The following RAB6A variants were observed in gnomAD, a reference collection of about 807,000 sequenced individuals.
RAB6A encodes the protein RAB6A, member RAS oncogene family.
In RAB6A, 8 loss-of-function variants were observed where a neutral mutation model predicts 32.3. That is an observed-to-expected ratio of 0.25 (90% CI 0.15 to 0.45). The LOEUF is 0.45. Ranked by LOEUF, RAB6A falls within the 20% of genes least tolerant of loss-of-function variation. The probability of loss-of-function intolerance (pLI) is 1.00; values close to 1 mark genes in which losing one functional copy is unlikely to be tolerated. For synonymous variants in RAB6A, 73 were observed against 82.1 expected (o/e 0.89, Z 0.60); for missense variants, 104 against 249.4 (o/e 0.42, Z 3.93).
chr11:73,760,968 G>C lies in RAB6A; in HGVS notation c.-333C>G, dbSNP rs557340468. ...ACTCGGCTCCCAGACCTGGGGAAGA[G>C]AAGCTGAGGGTGGCGGAGCCGGAAC... On this transcript the variant is annotated 5_prime_UTR_variant, in exon 1 of 8. Transcript: ENST00000336083. 1 of 275,856 alleles carries C rather than the reference G, an allele frequency of 3.6e-6. No homozygotes were observed. The highest frequency in any genetic ancestry group is 7.2e-6 in the Non-Finnish European group (1 of 138,624). The allele number at this position is 275,856 out of a possible 1,614,324, so 17.1% of individuals were successfully genotyped here.
intron 1 of RAB6A, among the ~76,000 whole-genome samples, chr11:73,760,280 G>T (rs1946823624): frequency 6.6e-6 from 1 of 152,198 alleles, no homozygotes; most frequent in African/African-American, 2.4e-5. Flanking sequence ...ATGGACAAGA[G>T]GCTGGGCGGG....
At chr11:73,749,293 T>C (rs1946639998) in intron 1 of RAB6A, among the ~76,000 whole-genome samples, 2 of 152,118 alleles carry the variant, frequency 1.3e-5, no homozygotes, top group Admixed American at 6.6e-5. Flanking sequence ...CTCATTTATA[T>C]AAGCGGGAGT....
intron 6 of RAB6A, among the ~76,000 whole-genome samples, chr11:73,688,678 T>C (rs530273809): frequency 1.2e-4 from 19 of 152,306 alleles, no homozygotes; most frequent in African/African-American, 4.6e-4. Context: ...CCAAATAACA[T>C]TCTTTTTGCC....
At chr11:73,717,428 T>C (rs983948807) in intron 4 of RAB6A, among the ~76,000 whole-genome samples, 1 of 152,224 alleles carries the variant, frequency 6.6e-6, no homozygotes, top group African/African-American at 2.4e-5. Context: ...CCTGTAACCC[T>C]AGCACTTTAG....
chr11:73,717,922 C>T lies in RAB6A; in HGVS notation c.289+691G>A, dbSNP rs141833839. 5.5e-3 allele frequency among the ~76,000 whole-genome samples: 838 copies of T among 152,262 alleles called. 6 individuals carry two copies. Among genetic ancestry groups the T allele is most frequent in the African/African-American group, 0.017 (712 of 41,550 alleles). Reference sequence around the variant, plus strand: ...TCAGAAAGCATTTTCTTGTCAGTCACCAATGCTTCATGGAAAATTTACAAT... The same window carrying T: ...TCAGAAAGCATTTTCTTGTCAGTCATCAATGCTTCATGGAAAATTTACAAT... On this transcript the variant is annotated intron_variant, in intron 4 of 7. Coordinates refer to ENST00000336083, the MANE Select transcript of RAB6A (RefSeq NM_198896.2).
At chr11:73,742,782 C>G (rs1946519416) in intron 1 of RAB6A, among the ~76,000 whole-genome samples, 1 of 151,952 alleles carries the variant, frequency 6.6e-6, no homozygotes, top group South Asian at 2.1e-4. Context: ...TGACTCCAGC[C>G]TGGGCAACAA....
At chr11:73,728,919 T>G (rs1946264913) in intron 2 of RAB6A, among the ~76,000 whole-genome samples, 1 of 152,052 alleles carries the variant, frequency 6.6e-6, no homozygotes, top group Admixed American at 6.6e-5. Context: ...ATGCTGGGAT[T>G]TTCTATGTGG....
intron 1 of RAB6A, among the ~76,000 whole-genome samples, chr11:73,755,925 A>AGAG (rs963347002): frequency 7.9e-5 from 12 of 151,982 alleles, no homozygotes; most frequent in African/African-American, 2.2e-4. Flanking sequence ...AGGAGAAAGA[A>AGAG]GAGGAGGAGG....
intron 6 of RAB6A, among the ~76,000 whole-genome samples, chr11:73,694,338 A>G (rs11235861): frequency 0.48 from 73,438 of 152,074 alleles, 19,101 homozygotes; most frequent in East Asian, 0.6. Context: ...ACCCCATTTT[A>G]AACAAATCTA....
intron 1 of RAB6A, among the ~76,000 whole-genome samples, chr11:73,755,512 C>G (rs1244334262): frequency 6.6e-6 from 1 of 152,146 alleles, no homozygotes; most frequent in Non-Finnish European, 1.5e-5. Context: ...AGGCTGGTCT[C>G]GAACCCCTGA....
intron 6 of RAB6A, among the ~76,000 whole-genome samples, chr11:73,686,951 T>C (rs1184350150): frequency 1.3e-5 from 2 of 152,024 alleles, no homozygotes; most frequent in African/African-American, 4.8e-5. Context: ...TTATTGACAA[T>C]AGCCAAAAGG....
intron 5 of RAB6A, among the ~76,000 whole-genome samples, chr11:73,708,891 C>A (rs1429593323): frequency 1.3e-5 from 2 of 152,182 alleles, no homozygotes; most frequent in African/African-American, 4.8e-5. Flanking sequence ...ATCCCACTCC[C>A]TTCTTGCCTA....
intron 6 of RAB6A, among the ~76,000 whole-genome samples, chr11:73,679,968 C>T (rs7940021): frequency 0.061 from 9,211 of 152,122 alleles, 381 homozygotes; most frequent in East Asian, 0.17. Flanking sequence ...CGTGGTGGCA[C>T]ACGCCTATAG....
At chr11:73,746,845 G>A (rs1481619132) in intron 1 of RAB6A, among the ~76,000 whole-genome samples, 2 of 151,430 alleles carry the variant, frequency 1.3e-5, no homozygotes, top group African/African-American at 2.4e-5. Flanking sequence ...TACTAACCAC[G>A]CAACCATGAG....
chr11:73,751,132 G>A lies in RAB6A; in HGVS notation c.70+9434C>T, dbSNP rs147565538. On this transcript the variant is annotated intron_variant, in intron 1 of 7. Transcript: ENST00000336083. ...CAAAGTGTACTTTTAAAAAAGAAAA[G>A]AGTCAGGCTCACTGGCCTGACTCTA... is the stretch of plus-strand genomic sequence containing the variant. 9.1e-3 allele frequency among the ~76,000 whole-genome samples: 1,388 copies of A among 152,142 alleles called. 15 individuals are homozygous for A. Among genetic ancestry groups the A allele is most frequent in the Middle Eastern group, 0.034 (10 of 294 alleles).
intron 3 of RAB6A, among the ~76,000 whole-genome samples, chr11:73,719,230 A>G (rs187790652): frequency 6.6e-6 from 1 of 152,344 alleles, no homozygotes; most frequent in Admixed American, 6.5e-5. Flanking sequence ...ATGGTTAAAT[A>G]GAGAAAAAAA....
chr11:73,723,413 C>T (rs1359817937), intron 2 of RAB6A, among the ~76,000 whole-genome samples: 1 of 152,100 alleles, frequency 6.6e-6, no homozygotes, highest in Non-Finnish European at 1.5e-5. Context: ...GCAACCTCCG[C>T]CTCCTAGGTT....
rs779652834 is a variant in RAB6A, at chr11:73,739,186, A to C, written c.71-8363T>G. ...CTTGAACCTGGGAAGTGGAGGCTGC[A>C]GGGAGCCAAGATCACAGCACTGCAC... On this transcript the variant is annotated intron_variant, in intron 1 of 7. Transcript: ENST00000336083. Among the ~76,000 whole-genome samples the C allele has an allele frequency of 1.8e-3, 259 of 145,538 alleles. 1 individual carries two copies. The highest frequency in any genetic ancestry group is 3.0e-3 in the Non-Finnish European group (203 of 66,606).
At position 73,677,758 on chromosome 11, in the gene RAB6A, G is replaced by A. The variant is rs539462213; in HGVS notation, c.*140C>T. On this transcript the variant is annotated 3_prime_UTR_variant, in exon 8 of 8. Coordinates refer to ENST00000336083, the MANE Select transcript of RAB6A (RefSeq NM_198896.2). Reference sequence around the variant, plus strand: ...TGTGAAGCTAATAGATCATCTCCACGAGACAGGCAGCAATGATGAATTGCA... The same window carrying A: ...TGTGAAGCTAATAGATCATCTCCACAAGACAGGCAGCAATGATGAATTGCA... 26 of 1,513,512 alleles carry A rather than the reference G, an allele frequency of 1.7e-5. No individual in the cohort carries two copies. The highest frequency in any genetic ancestry group is 1.6e-4 in the Admixed American group (8 of 50,904). 93.8% of individuals were successfully genotyped at this position (1,513,512 alleles called of 1,614,324 possible).
Sources: gnomAD v4.1 joint callset for allele counts (sites outside exome capture counted in the v4.1 genomes callset) on GRCh38, gnomAD v4.1.1 for gene constraint, MANE v1.5 for transcripts, NCBI Gene and HGNC (gene_info 2026-07-23, HGNC 2026-07-21) for gene names.